Variants in PCCA observed in about 807,000 individuals in gnomAD.
PCCA encodes the protein propionyl-CoA carboxylase alpha chain, mitochondrial.
Under a neutral mutation model 101.3 loss-of-function variants are expected in PCCA, and 74 were observed. The observed-to-expected ratio is 0.73, with a 90% CI of 0.61 to 0.89. The LOEUF (loss-of-function observed/expected upper bound fraction) is 0.89. Ranked by LOEUF, PCCA falls within the 40% of genes least tolerant of loss-of-function variation. The pLI is 0.00. For synonymous variants in PCCA, 294 were observed against 313.6 expected, an observed-to-expected ratio of 0.94 and a Z score of 0.66; for missense variants, 891 against 907.0, an observed-to-expected ratio of 0.98 and a Z score of 0.23.
At chr13:100,131,746 A>G (rs921351455) in intron 4 of PCCA, among the ~76,000 whole-genome samples, 1 of 152,166 alleles carries the variant, frequency 6.6e-6, no homozygotes. Flanking sequence ...TCAACCTTTA[A>G]CAAATACCGT....
chr13:100,303,045 T>A (rs760686116), intron 14 of PCCA, 47 bp downstream of exon 14: 10 of 1,030,228 alleles, frequency 9.7e-6, no homozygotes, highest in African/African-American at 1.6e-5. Context: ...AAATCGTGAT[T>A]TATGTCATAC....
intron 9 of PCCA, among the ~76,000 whole-genome samples, chr13:100,258,813 AAT>A (rs1050384558): frequency 2.0e-4 from 30 of 152,308 alleles, no homozygotes; most frequent in African/African-American, 7.0e-4. Flanking sequence ...ATTGATTCAA[AAT>A]ATGTTTATAA....
chr13:100,091,138 T>TG (rs35996077), intron 1 of PCCA, among the ~76,000 whole-genome samples: 69,720 of 151,926 alleles, frequency 0.46, 16,803 homozygotes, highest in East Asian at 0.71. Context: ...AGTCAGACCA[T>TG]CTGGCTCTTA....
intron 8 of PCCA, among the ~76,000 whole-genome samples, chr13:100,249,006 GGCC>G (rs2061609701): frequency 6.6e-6 from 1 of 151,834 alleles, no homozygotes; most frequent in Non-Finnish European, 1.5e-5. Flanking sequence ...TGCCCACCTC[GGCC>G]TCCCAAAGTG....
At chr13:100,096,150 T>G (rs1029211683) in intron 1 of PCCA, among the ~76,000 whole-genome samples, 2 of 152,208 alleles carry the variant, frequency 1.3e-5, no homozygotes, top group Non-Finnish European at 2.9e-5. Flanking sequence ...CTGCTTTTTT[T>G]TTGTTGTTTT....
At chr13:100,341,973 A>ATATATATATATATGTATG (rs1257478273) in intron 18 of PCCA, among the ~76,000 whole-genome samples, 9 of 121,870 alleles carry the variant, frequency 7.4e-5, no homozygotes, top group Non-Finnish European at 1.4e-4. Flanking sequence ...ATATATATAT[A>ATATATATATATATGTATG]TATATATATG....
intron 18 of PCCA, among the ~76,000 whole-genome samples, chr13:100,368,214 T>TA (rs1475979031): frequency 2.0e-5 from 3 of 152,074 alleles, no homozygotes; most frequent in South Asian, 2.1e-4. Flanking sequence ...AATTTTTTTT[T>TA]AAAAAAACCA....
At chr13:100,093,810 G>T (rs1207142691) in intron 1 of PCCA, among the ~76,000 whole-genome samples, 2 of 152,088 alleles carry the variant, frequency 1.3e-5, no homozygotes, top group Admixed American at 1.3e-4. Flanking sequence ...GTGGTGGCAC[G>T]TGCCTGTGGT....
chr13:100,503,225 T>A (rs865951683), intron 21 of PCCA, among the ~76,000 whole-genome samples: 26 of 152,260 alleles, frequency 1.7e-4, no homozygotes, highest in South Asian at 4.1e-4. Flanking sequence ...GCGCAGTGGC[T>A]CACGCCTGTA....
intron 8 of PCCA, among the ~76,000 whole-genome samples, chr13:100,254,522 A>G (rs1349672349): frequency 2.0e-5 from 3 of 152,306 alleles, no homozygotes; most frequent in African/African-American, 4.8e-5. Flanking sequence ...TTTTGACTAA[A>G]TATTTTTTTC....
chr13:100,122,393 T>G (rs558389085), intron 4 of PCCA, among the ~76,000 whole-genome samples: 71 of 152,308 alleles, frequency 4.7e-4, no homozygotes, highest in African/African-American at 1.5e-3. Flanking sequence ...CTAGTTTTTT[T>G]GGAAGAATTG....
chr13:100,178,541 GT>G (rs1219129869), intron 6 of PCCA, among the ~76,000 whole-genome samples: 2 of 152,280 alleles, frequency 1.3e-5, no homozygotes, highest in East Asian at 3.9e-4. Context: ...TGCTGTAGTT[GT>G]GCTTCAGCAC....
At chr13:100,492,729 G>C (rs2084994572) in intron 21 of PCCA, among the ~76,000 whole-genome samples, 1 of 150,312 alleles carries the variant, frequency 6.7e-6, no homozygotes, top group Non-Finnish European at 1.5e-5. Flanking sequence ...CAAACCCCAG[G>C]CTCCACAAGC....
intron 23 of PCCA, among the ~76,000 whole-genome samples, chr13:100,528,184 G>A (rs2088018649): frequency 6.6e-6 from 1 of 152,160 alleles, no homozygotes; most frequent in African/African-American, 2.4e-5. Context: ...ATCAAGAGAA[G>A]CCAAAACCCC....
chr13:100,274,846 C>T (rs953407713), intron 12 of PCCA, among the ~76,000 whole-genome samples: 5 of 151,998 alleles, frequency 3.3e-5, no homozygotes, highest in Admixed American at 6.6e-5. Context: ...AATTTTGACA[C>T]GACACTCTTC....
rs1320218271 is a variant in PCCA, at chr13:100,235,843, A to T, written c.602A>T (p.Asp201Val). 6 of 1,605,940 alleles carry T rather than the reference A, an allele frequency of 3.7e-6. No individual in the cohort carries two copies. Among genetic ancestry groups the T allele is most frequent in the Admixed American group, 1.7e-5 (1 of 59,986 alleles). ...GAGTCTCATTTCCTGCTTTTACAGG[A>T]TGCAGAAGAAGCTGTCAGAATTGCA... is the stretch of plus-strand genomic sequence containing the variant. Reference protein sequence around the residue: ...TIPGFDGVVKDAEEAVRIARE... With the variant: ...TIPGFDGVVKVAEEAVRIARE... Residue 201 changes from aspartate (D) to valine (V), a missense_variant and splice_region_variant, in exon 8 of 24, where the codon GAT (aspartate) becomes GTT (valine). Physicochemically the swap from Asp to Val is radical, Grantham distance 152. Coordinates refer to ENST00000376285, the MANE Select transcript of PCCA (RefSeq NM_000282.4).
chr13:100,330,972 A>G (rs571332885), intron 17 of PCCA, among the ~76,000 whole-genome samples: 2 of 152,260 alleles, frequency 1.3e-5, no homozygotes, highest in South Asian at 4.2e-4. Context: ...GTTTCTGAAA[A>G]TCAAATCAGA....
chr13:100,243,123 T>G (rs1185522842), intron 8 of PCCA, among the ~76,000 whole-genome samples: 1 of 152,232 alleles, frequency 6.6e-6, no homozygotes, highest in Admixed American at 6.5e-5. Context: ...CTGAAACTCC[T>G]GACCTCAAGT....
intron 19 of PCCA, among the ~76,000 whole-genome samples, chr13:100,415,412 A>C (rs2152876936): frequency 6.6e-6 from 1 of 152,278 alleles, no homozygotes; most frequent in African/African-American, 2.4e-5. Context: ...TCTCCAAAAC[A>C]AAACAAAGCA....
Sources: allele counts gnomAD v4.1 joint callset (sites outside exome capture counted in the v4.1 genomes callset), GRCh38; gene constraint gnomAD v4.1.1; transcripts MANE v1.5; gene names NCBI Gene and HGNC (gene_info 2026-07-23, HGNC 2026-07-21).